The following AFG1L variants were observed in gnomAD, a reference collection of about 807,000 sequenced individuals.
AFG1L encodes the protein AFG1 like ATPase.
In AFG1L, 53 loss-of-function variants were observed where a neutral mutation model predicts 62.2. That is an observed-to-expected ratio of 0.85 (90% CI 0.68 to 1.07). AFG1L has a LOEUF of 1.07. Among genes scored for constraint, AFG1L ranks in the 50% least tolerant of loss-of-function variants. The probability of loss-of-function intolerance (pLI) is 0.00; values close to 1 mark genes in which losing one functional copy is unlikely to be tolerated. For synonymous variants in AFG1L, 228 were observed against 210.3 expected, an observed-to-expected ratio of 1.08 and a Z score of -0.73; for missense variants, 555 against 590.5, an observed-to-expected ratio of 0.94 and a Z score of 0.62.
At chr6:108,353,533 C>T (rs559824503) in intron 3 of AFG1L, among the ~76,000 whole-genome samples, 40 of 151,986 alleles carry the variant, frequency 2.6e-4, no homozygotes, top group African/African-American at 9.2e-4. Context: ...CAGCAATGCA[C>T]AGATTCCAAT....
chr6:108,516,991 T>C (rs541075723), intron 11 of AFG1L, among the ~76,000 whole-genome samples: 122 of 152,092 alleles, frequency 8.0e-4, no homozygotes, highest in Middle Eastern at 6.8e-3. Flanking sequence ...CACTGCTCAA[T>C]GAAATAAAAG....
intron 7 of AFG1L, among the ~76,000 whole-genome samples, chr6:108,422,195 G>C (rs1770621396): frequency 6.6e-6 from 1 of 151,854 alleles, no homozygotes; most frequent in African/African-American, 2.4e-5. Flanking sequence ...TATGCAAGAG[G>C]CATAGTTAAA....
At chr6:108,432,205 C>G (rs1312556482) in intron 7 of AFG1L, among the ~76,000 whole-genome samples, 4 of 151,758 alleles carry the variant, frequency 2.6e-5, no homozygotes, top group Admixed American at 2.0e-4. Flanking sequence ...GGTTGGAAAC[C>G]CAACTGTATA....
intron 2 of AFG1L, among the ~76,000 whole-genome samples, chr6:108,338,806 G>C (rs1165909677): frequency 6.6e-6 from 1 of 152,184 alleles, no homozygotes; most frequent in African/African-American, 2.4e-5. Context: ...GACATGTAGT[G>C]AGAACTCAAC....
intron 6 of AFG1L, among the ~76,000 whole-genome samples, chr6:108,398,679 T>C (rs947727250): frequency 6.6e-6 from 1 of 152,212 alleles, no homozygotes; most frequent in African/African-American, 2.4e-5. Context: ...ATATCCAGTT[T>C]TTCCAGCACT....
At chr6:108,413,460 A>G (rs1047747557) in intron 7 of AFG1L, among the ~76,000 whole-genome samples, 28 of 152,242 alleles carry the variant, frequency 1.8e-4, no homozygotes, top group African/African-American at 6.8e-4. Flanking sequence ...TCAACAGAAT[A>G]TACATTGTTC....
chr6:108,477,576 A>G (rs1369003737), intron 10 of AFG1L, among the ~76,000 whole-genome samples: 1 of 152,196 alleles, frequency 6.6e-6, no homozygotes, highest in African/African-American at 2.4e-5. Context: ...CTGTTTTGTA[A>G]AAGTCAAACA....
At chr6:108,352,405 G>A (rs932799759) in intron 3 of AFG1L, among the ~76,000 whole-genome samples, 3 of 152,130 alleles carry the variant, frequency 2.0e-5, no homozygotes, top group African/African-American at 7.2e-5. Flanking sequence ...ACTAAAATTT[G>A]AGGATGCTCA....
At chr6:108,407,814 A>G (rs980738450) in intron 7 of AFG1L, among the ~76,000 whole-genome samples, 5 of 151,846 alleles carry the variant, frequency 3.3e-5, no homozygotes, top group African/African-American at 1.2e-4. Flanking sequence ...TGTTTCTTTT[A>G]TATATAATTT....
intron 2 of AFG1L, among the ~76,000 whole-genome samples, chr6:108,336,370 A>G (rs1208689257): frequency 6.6e-6 from 1 of 152,220 alleles, no homozygotes; most frequent in African/African-American, 2.4e-5. Flanking sequence ...CACCCTTATT[A>G]TCTAATTGTC....
At chr6:108,509,187 A>G (rs752645375) in intron 10 of AFG1L, among the ~76,000 whole-genome samples, 1 of 152,196 alleles carries the variant, frequency 6.6e-6, no homozygotes, top group Non-Finnish European at 1.5e-5. Context: ...AATGTTCAGG[A>G]GTTAAATTCA....
chr6:108,323,624 G>A (rs1031835635), intron 1 of AFG1L, among the ~76,000 whole-genome samples: 10 of 152,190 alleles, frequency 6.6e-5, no homozygotes, highest in African/African-American at 2.4e-4. Flanking sequence ...GTCTCCCAAA[G>A]TGCTGGAATT....
intron 7 of AFG1L, among the ~76,000 whole-genome samples, chr6:108,409,327 C>T (rs6935656): frequency 2.0e-5 from 3 of 151,968 alleles, no homozygotes; most frequent in African/African-American, 7.3e-5. Flanking sequence ...ATCAGCAGAC[C>T]TGACTAGGAG....
At chr6:108,458,563 C>G (rs753310480) in intron 8 of AFG1L, among the ~76,000 whole-genome samples, 3 of 152,118 alleles carry the variant, frequency 2.0e-5, no homozygotes, top group Admixed American at 6.5e-5. Context: ...GATTCTCCCC[C>G]CTTAGCCTCT....
At chr6:108,368,840 G>T (rs1779868073) in intron 6 of AFG1L, among the ~76,000 whole-genome samples, 1 of 152,190 alleles carries the variant, frequency 6.6e-6, no homozygotes, top group Non-Finnish European at 1.5e-5. Context: ...GGAATGTTTT[G>T]CAGCTCCTAG....
At chr6:108,357,034 A>G (rs1048422880) in intron 5 of AFG1L, among the ~76,000 whole-genome samples, 7 of 152,012 alleles carry the variant, frequency 4.6e-5, no homozygotes, top group Non-Finnish European at 8.8e-5. Flanking sequence ...ATGGTTAGTG[A>G]GAAAAGAAGA....
chr6:108,388,792 TC>T (rs1392434298), intron 6 of AFG1L, among the ~76,000 whole-genome samples: 1 of 151,888 alleles, frequency 6.6e-6, no homozygotes, highest in Admixed American at 6.6e-5. Flanking sequence ...GAGCTTTACT[TC>T]CAACTATGTG....
At chr6:108,384,283 A>G (rs1440891516) in intron 6 of AFG1L, among the ~76,000 whole-genome samples, 5 of 152,172 alleles carry the variant, frequency 3.3e-5, no homozygotes, top group African/African-American at 4.8e-5. Flanking sequence ...AAAATGAGAA[A>G]TGGATCCCAG....
At chr6:108,356,351 A>T (rs969035077) in intron 4 of AFG1L, among the ~76,000 whole-genome samples, 11 of 152,210 alleles carry the variant, frequency 7.2e-5, no homozygotes, top group Admixed American at 2.0e-4. Flanking sequence ...CTTGGGCAGG[A>T]TCACATCCTC....
Sources: allele counts gnomAD v4.1 joint callset (sites outside exome capture counted in the v4.1 genomes callset), GRCh38; gene constraint gnomAD v4.1.1; transcripts MANE v1.5; gene names NCBI Gene and HGNC (gene_info 2026-07-23, HGNC 2026-07-21).